The following GSK3B variants were observed in gnomAD, a reference collection of about 807,000 sequenced individuals.
GSK3B encodes glycogen synthase kinase 3 beta.
A neutral mutation model predicts 56.4 loss-of-function variants in GSK3B; 15 were observed. The observed-to-expected ratio is 0.27, with a 90% CI of 0.18 to 0.41. The LOEUF (loss-of-function observed/expected upper bound fraction) is 0.41. Ranked by LOEUF, GSK3B falls within the 10% of genes least tolerant of loss-of-function variation. The pLI, the probability that GSK3B is intolerant of heterozygous loss-of-function variation, is 1.00. For missense variants in GSK3B, 300 were observed against 513.4 expected, an observed-to-expected ratio of 0.58 and a Z score of 4.02; for synonymous variants, 181 against 188.9, an observed-to-expected ratio of 0.96 and a Z score of 0.34.
chr3:119,942,503 T>C (rs2057059869), intron 3 of GSK3B, among the ~76,000 whole-genome samples: 2 of 152,226 alleles, frequency 1.3e-5, no homozygotes, highest in Middle Eastern at 3.4e-3. Context: ...TTTCACTACG[T>C]TGGCCAAGCT....
rs201583278 is a variant in GSK3B at position 120,094,367 on chromosome 3, C to T, written c.-933G>A. On this transcript the variant is annotated 5_prime_UTR_variant, in exon 1 of 11. Coordinates refer to ENST00000264235, the MANE Select transcript of GSK3B (RefSeq NM_001146156.2). ...CCGGCTCCTCCTCGCTTCCTTCCTT[C>T]CTTTGTCACTTGGCCCGGGCGGCGG... The T allele has an allele frequency of 6.7e-6, 2 of 299,778 alleles. No individual in the cohort carries two copies. The highest frequency in any genetic ancestry group is 4.6e-5 in the South Asian group (1 of 21,522). 18.6% of individuals were successfully genotyped at this position (299,778 alleles called of 1,614,324 possible). A position where few individuals can be genotyped will look rare whatever the true frequency, so the allele number is the denominator to read the frequency against.
intron 3 of GSK3B, among the ~76,000 whole-genome samples, chr3:119,925,301 C>G (rs529152103): frequency 6.6e-6 from 1 of 152,330 alleles, no homozygotes; most frequent in East Asian, 1.9e-4. Context: ...GCACTCCAGT[C>G]TGGGTGACAG....
In GSK3B at chr3:119,823,480, C is replaced by T. The variant is rs2055447507; in HGVS notation, c.*3308G>A. ...CTTCGATTTATAAAAAAACAATTCT[C>T]TGTCACTCTCTCATTTGGGAGGGAA... is the stretch of plus-strand genomic sequence containing the variant. On this transcript the variant is annotated 3_prime_UTR_variant, in exon 11 of 11. Transcript: ENST00000264235. 5.2e-6 allele frequency: 1 copy of T among 192,958 alleles called. No homozygotes were observed. The highest frequency in any genetic ancestry group is 1.9e-4 in the South Asian group (1 of 5,172). 12.0% of individuals were successfully genotyped at this position (192,958 alleles called of 1,614,324 possible).
chr3:119,909,570 A>G (rs2056715892), intron 6 of GSK3B, among the ~76,000 whole-genome samples: 1 of 152,212 alleles, frequency 6.6e-6, no homozygotes, highest in African/African-American at 2.4e-5. Context: ...GAGAAGGTCA[A>G]TAATGATTAA....
chr3:119,943,927 C>G (rs1385407929), intron 3 of GSK3B, among the ~76,000 whole-genome samples: 1 of 151,350 alleles, frequency 6.6e-6, no homozygotes, highest in Non-Finnish European at 1.5e-5. Flanking sequence ...AGACTTGGAG[C>G]CTACAGTGAA....
chr3:119,894,153 G>C (rs528698450), intron 7 of GSK3B, among the ~76,000 whole-genome samples: 5 of 152,162 alleles, frequency 3.3e-5, no homozygotes, highest in African/African-American at 1.2e-4. Flanking sequence ...TTTCGTGTGT[G>C]ACATTTTCTT....
At chr3:120,071,340 A>C (rs966085597) in intron 1 of GSK3B, among the ~76,000 whole-genome samples, 5 of 152,186 alleles carry the variant, frequency 3.3e-5, no homozygotes, top group African/African-American at 1.2e-4. Flanking sequence ...TGGTTATATG[A>C]GTATCCTATA....
At chr3:119,904,833 A>G (rs2056665942) in intron 7 of GSK3B, among the ~76,000 whole-genome samples, 1 of 152,100 alleles carries the variant, frequency 6.6e-6, no homozygotes, top group South Asian at 2.1e-4. Flanking sequence ...AGATTTTTCA[A>G]TTTTACAATT....
At chr3:120,032,477 A>G (rs951371335) in intron 1 of GSK3B, among the ~76,000 whole-genome samples, 3 of 83,936 alleles carry the variant, frequency 3.6e-5, no homozygotes, top group South Asian at 4.3e-4. Context: ...TCCGTCTCGG[A>G]AAAAAAAAAA....
At chr3:120,031,246 T>C (rs1482976690) in intron 1 of GSK3B, among the ~76,000 whole-genome samples, 1 of 152,256 alleles carries the variant, frequency 6.6e-6, no homozygotes, top group East Asian at 1.9e-4. Context: ...CAAACTAATT[T>C]AGCAGATAGC....
At position 119,823,592 on chromosome 3, in the gene GSK3B, C is replaced by T. The variant is rs945982237; in HGVS notation, c.*3196G>A. ...CCATGGTTAGGGCTTGTGGAAGAGA[C>T]GAGCAAAATTTAATCTATTCGATAT... On this transcript the variant is annotated 3_prime_UTR_variant, in exon 11 of 11. Transcript: ENST00000264235. The T allele has an allele frequency of 1.6e-5, 3 of 185,030 alleles. No homozygotes were observed. The highest frequency in any genetic ancestry group is 1.2e-4 in the Admixed American group (2 of 16,096). 11.5% of individuals were successfully genotyped at this position (185,030 alleles called of 1,614,324 possible).
chr3:120,002,780 C>T (rs970187024), intron 1 of GSK3B, among the ~76,000 whole-genome samples: 1 of 152,162 alleles, frequency 6.6e-6, no homozygotes, highest in African/African-American at 2.4e-5. Context: ...TTAGTTTCAA[C>T]CCCATGAGGT....
chr3:119,926,690 T>C (rs983120222), intron 3 of GSK3B, among the ~76,000 whole-genome samples: 1 of 152,202 alleles, frequency 6.6e-6, no homozygotes, highest in African/African-American at 2.4e-5. Context: ...TACTTTTCTC[T>C]AGCCAAGCTA....
At chr3:119,938,351 T>A in intron 3 of GSK3B, among the ~76,000 whole-genome samples, 1 of 152,064 alleles carries the variant, frequency 6.6e-6, no homozygotes, top group Non-Finnish European at 1.5e-5. Flanking sequence ...CAATATCCCT[T>A]ATAAATATAA....
At chr3:119,881,442 T>C (rs905285335) in intron 7 of GSK3B, among the ~76,000 whole-genome samples, 4 of 152,208 alleles carry the variant, frequency 2.6e-5, no homozygotes, top group African/African-American at 9.7e-5. Flanking sequence ...TATTTACTAT[T>C]GTACTTAAAA....
intron 3 of GSK3B, among the ~76,000 whole-genome samples, chr3:119,934,089 G>A (rs1224486743): frequency 6.6e-6 from 1 of 152,324 alleles, no homozygotes; most frequent in South Asian, 2.1e-4. Context: ...AATAATTTGT[G>A]TAGCTACTCC....
chr3:120,050,804 G>T (rs536290404), intron 1 of GSK3B, among the ~76,000 whole-genome samples: 4 of 152,270 alleles, frequency 2.6e-5, no homozygotes, highest in African/African-American at 9.6e-5. Flanking sequence ...TAGAGGACTA[G>T]ATCTGGTCAA....
intron 2 of GSK3B, among the ~76,000 whole-genome samples, chr3:119,960,516 C>T (rs2057261314): frequency 6.6e-6 from 1 of 152,142 alleles, no homozygotes; most frequent in Non-Finnish European, 1.5e-5. Flanking sequence ...ATGCCAATAT[C>T]CTAATTGTGA....
rs1267738455 is a variant in GSK3B, at chr3:119,825,333, G to A, written c.*1455C>T. On this transcript the variant is annotated 3_prime_UTR_variant, in exon 11 of 11. Transcript: ENST00000264235. ...CCTTCAATTCTCCTTGCTTTCCAAGGAATATTGCTTTTTCTTCAAAAAGAG... is the reference window on the plus strand; with the variant it reads ...CCTTCAATTCTCCTTGCTTTCCAAGAAATATTGCTTTTTCTTCAAAAAGAG... 1 of 229,900 alleles carries A rather than the reference G, an allele frequency of 4.3e-6. No individual in the cohort carries two copies. Among genetic ancestry groups the A allele is most frequent in the African/African-American group, 2.2e-5 (1 of 45,104 alleles). The allele number at this position is 229,900 out of a possible 1,614,324, so 14.2% of individuals were successfully genotyped here. A position where few individuals can be genotyped will look rare whatever the true frequency, so the allele number is the denominator to read the frequency against.
Sources: allele counts gnomAD v4.1 joint callset (sites outside exome capture counted in the v4.1 genomes callset), GRCh38; gene constraint gnomAD v4.1.1; transcripts MANE v1.5; gene names NCBI Gene and HGNC (gene_info 2026-07-23, HGNC 2026-07-21).